ERICH6B: variants seen among roughly 807,000 people sequenced by gnomAD.
The protein encoded by ERICH6B is glutamate rich 6B.
ERICH6B carries 69 observed loss-of-function variants against 80.0 expected under a neutral mutation model. That is an observed-to-expected ratio of 0.86 (90% CI 0.71 to 1.05). ERICH6B has a LOEUF of 1.05. Among genes scored for constraint, ERICH6B ranks in the 50% least tolerant of loss-of-function variants. The pLI is 0.00. For synonymous variants in ERICH6B, 283 were observed against 291.9 expected, an observed-to-expected ratio of 0.97 and a Z score of 0.31; for missense variants, 754 against 796.1, an observed-to-expected ratio of 0.95 and a Z score of 0.64.
chr13:45,542,596 G>A (rs551309059), intron 14 of ERICH6B, among the ~76,000 whole-genome samples: 3 of 152,228 alleles, frequency 2.0e-5, no homozygotes, highest in Admixed American at 2.0e-4. Context: ...CTGCAGCCTC[G>A]CTGGGCACCT....
In ERICH6B at chr13:45,596,708, TC is replaced by T; in HGVS notation, c.297del (p.Lys100ArgfsTer56). On this transcript the variant is annotated frameshift_variant, in exon 3 of 15. Transcript: ENST00000298738. LOFTEE classifies it high-confidence loss of function. ...EEHLEEEEYLEKAGYLEEEEY... is the reference protein window; with the variant it reads ...EEHLEEEEYLXKAGYLEEEEY... ...TCTTCCTCCTCCAGATACCCTGCCT[TC>T]TCCAGATACTCTTCCTCCTCCAGAT... 6.5e-7 allele frequency: 1 copy of T among 1,549,974 alleles called. No individual in the cohort carries two copies. Among genetic ancestry groups the T allele is most frequent in the Non-Finnish European group, 8.7e-7 (1 of 1,146,540 alleles).
intron 13 of ERICH6B, among the ~76,000 whole-genome samples, chr13:45,549,066 C>T (rs1013303684): frequency 6.6e-6 from 1 of 152,126 alleles, no homozygotes; most frequent in African/African-American, 2.4e-5. Context: ...GATGGATCAC[C>T]TGAGGTCAGG....
intron 11 of ERICH6B, chr13:45,551,706 T>C (rs1344999560): frequency 6.6e-6 from 1 of 152,212 alleles, no homozygotes; most frequent in Non-Finnish European, 1.5e-5. Flanking sequence ...AGATGGAGCC[T>C]AATGGGAGGT....
At position 45,549,718 on chromosome 13, in the gene ERICH6B, C is replaced by T. The variant is rs111356976; in HGVS notation, c.1646+175G>A. ...AGGAGCAACGGTGCAGGAAGAACAT[C>T]GTGCCTCCTCTGTGGTCAGGGACCT... On this transcript the variant is annotated intron_variant, in intron 13 of 14. Transcript: ENST00000298738. 8.4e-3 allele frequency among the ~76,000 whole-genome samples: 1,279 copies of T among 152,300 alleles called. 20 individuals carry two copies. The highest frequency in any genetic ancestry group is 0.029 in the African/African-American group (1,207 of 41,562).
chr13:45,548,682 C>T (rs1017537132), intron 13 of ERICH6B, among the ~76,000 whole-genome samples: 2 of 152,196 alleles, frequency 1.3e-5, no homozygotes, highest in Non-Finnish European at 1.5e-5. Flanking sequence ...TCTTCCCTCC[C>T]TGGCTTGCTT....
At position 45,596,813 on chromosome 13, in the gene ERICH6B, C is replaced by T. The variant is rs28584694; in HGVS notation, c.193G>A (p.Glu65Lys). ...TACTCTTCCTCTTCCAGATCCTCTT[C>T]CTCCTCCAGATACTCTTTGTCCTCC... ...SLEDKEYLEEEEDLEEEEYLG... is the reference protein window; with the variant it reads ...SLEDKEYLEEKEDLEEEEYLG... Residue 65 changes from glutamate (E) to lysine (K), a missense_variant, in exon 3 of 15, where the codon GAA (glutamate) becomes AAA (lysine). Coordinates refer to ENST00000298738, the MANE Select transcript of ERICH6B (RefSeq NM_182542.3). 6.4e-7 allele frequency: 1 copy of T among 1,551,856 alleles called. No individual in the cohort carries two copies. The highest frequency in any genetic ancestry group is 2.0e-5 in the Admixed American group (1 of 51,016).
At position 45,541,639 on chromosome 13, in the gene ERICH6B, G is replaced by A; in HGVS notation, c.1914C>T (p.Thr638=). The change falls in exon 15 of 15, where the codon ACC becomes ACT. Residue 638 remains threonine (T), a synonymous_variant. Transcript: ENST00000298738. ...PEVLSEMKKK[T]ILEAEPGPTA... is the part of the protein sequence containing the mutation. ...TTGGGCCGGGTTCTGCCTCCAGGAT[G>A]GTTTTCTTCTTCATTTCGCTCAGCA... 1 of 1,551,236 alleles carries A rather than the reference G, an allele frequency of 6.4e-7. No homozygotes were observed. Among genetic ancestry groups the A allele is most frequent in the Non-Finnish European group, 8.7e-7 (1 of 1,146,992 alleles).
At position 45,596,428 on chromosome 13, in the gene ERICH6B, G is replaced by T. The variant is rs1277681382; in HGVS notation, c.578C>A (p.Ala193Asp). The T allele has an allele frequency of 2.6e-6, 4 of 1,551,456 alleles. No individual in the cohort carries two copies. In the South Asian group the frequency reaches 4.8e-5, roughly 18 times the overall value. The part of the protein sequence containing the change: ...EKEENLEEEE[A>D]LEKEENLDGK... The stretch of plus-strand genomic sequence containing the variant: ...ATCCAGATTCTCTTCCTTCTCCAGA[G>T]CTTCTTCCTCCTCCAGATTCTCTTC... The change falls in exon 3 of 15, where the codon GCT becomes GAT. Residue 193 changes from alanine (A) to aspartate (D), a missense_variant. Coordinates refer to ENST00000298738, the MANE Select transcript of ERICH6B (RefSeq NM_182542.3).
At chr13:45,587,967 A>G (rs1182535380) in intron 4 of ERICH6B, among the ~76,000 whole-genome samples, 1 of 152,312 alleles carries the variant, frequency 6.6e-6, no homozygotes, top group East Asian at 1.9e-4. Flanking sequence ...GGTGGTGACT[A>G]TGGTTGGTAG....
chr13:45,600,006 G>C (rs1378404942), intron 2 of ERICH6B, among the ~76,000 whole-genome samples: 1 of 152,164 alleles, frequency 6.6e-6, no homozygotes, highest in Non-Finnish European at 1.5e-5. Context: ...TTTTGGAGGA[G>C]GAGAGGTATA....
intron 2 of ERICH6B, among the ~76,000 whole-genome samples, chr13:45,599,801 T>G (rs1264939940): frequency 2.0e-5 from 3 of 152,234 alleles, no homozygotes; most frequent in Non-Finnish European, 4.4e-5. Context: ...CCATAAGTTT[T>G]GCTTCACAGT....
At position 45,594,891 on chromosome 13, in the gene ERICH6B, G is replaced by A. The variant is rs546444406; in HGVS notation, c.637+1478C>T. 5.9e-5 allele frequency among the ~76,000 whole-genome samples: 9 copies of A among 152,306 alleles called. No homozygotes were observed. The Middle Eastern group carries it at 0.01, about 173-fold the overall frequency. On this transcript the variant is annotated intron_variant, in intron 3 of 14. Transcript: ENST00000298738. ...ACATTTCTGTACCTAGTTGAATATGGCCATGCAGTCACGACATCAAGAGAA... is the reference window on the plus strand; with the variant it reads ...ACATTTCTGTACCTAGTTGAATATGACCATGCAGTCACGACATCAAGAGAA...
intron 4 of ERICH6B, 121 bp from the exon 5 acceptor site, chr13:45,587,353 T>C: frequency 1.2e-6 from 1 of 817,890 alleles, no homozygotes; most frequent in Non-Finnish European, 1.9e-6. Flanking sequence ...GATGGACATC[T>C]CAAGGTTTGA....
intron 7 of ERICH6B, among the ~76,000 whole-genome samples, chr13:45,577,472 C>G (rs1041525231): frequency 5.3e-5 from 8 of 151,704 alleles, no homozygotes; most frequent in Non-Finnish European, 1.0e-4. Context: ...TTAGTAGAGA[C>G]GGGGTTCTAC....
chr13:45,597,183 G>C, intron 2 of ERICH6B, 120 bp from the exon 3 acceptor site: 2 of 693,834 alleles, frequency 2.9e-6, no homozygotes, highest in Non-Finnish European at 4.7e-6. Flanking sequence ...TAAGTATGCA[G>C]ATCAGTACAT....
At chr13:45,583,751 C>T (rs1188005879) in intron 5 of ERICH6B, among the ~76,000 whole-genome samples, 1 of 152,218 alleles carries the variant, frequency 6.6e-6, no homozygotes, top group Non-Finnish European at 1.5e-5. Flanking sequence ...TCTCAGTTCT[C>T]TCTCTTGCCT....
chr13:45,606,543 A>AT (rs1566307906), intron 2 of ERICH6B, among the ~76,000 whole-genome samples: 22 of 11,052 alleles, frequency 2.0e-3, no homozygotes, highest in East Asian at 6.0e-3. Context: ...ATATATATAT[A>AT]TATATTTTTT....
chr13:45,612,338 T>C (rs978700656), intron 1 of ERICH6B, among the ~76,000 whole-genome samples: 5 of 152,192 alleles, frequency 3.3e-5, no homozygotes, highest in Admixed American at 1.3e-4. Context: ...TACCTATAGA[T>C]AGTCTTCAAG....
intron 11 of ERICH6B, chr13:45,552,851 C>T (rs376574750): frequency 2.5e-4 from 43 of 174,438 alleles, no homozygotes; most frequent in African/African-American, 9.6e-4. Flanking sequence ...AGCTATTGGA[C>T]ATTTTTTATT....
Sources: allele counts gnomAD v4.1 joint callset (sites outside exome capture counted in the v4.1 genomes callset), GRCh38; gene constraint gnomAD v4.1.1; transcripts MANE v1.5; gene names NCBI Gene and HGNC (gene_info 2026-07-23, HGNC 2026-07-21).